TENT4B: variants seen among roughly 807,000 people sequenced by gnomAD.
TENT4B encodes the protein terminal nucleotidyltransferase 4B, also known as PAP associated domain containing 5.
A neutral mutation model predicts 75.0 loss-of-function variants in TENT4B; 10 were observed. The observed-to-expected ratio is 0.13, with a 90% CI of 0.08 to 0.23. The LOEUF (loss-of-function observed/expected upper bound fraction) is 0.23, where lower values mean the gene tolerates loss of function less well. Among genes scored for constraint, TENT4B ranks in the 10% least tolerant of loss-of-function variants. The pLI, the probability that TENT4B is intolerant of heterozygous loss-of-function variation, is 1.00. For missense variants in TENT4B, 579 were observed against 893.8 expected (o/e 0.65, Z 4.49); for synonymous variants, 350 against 357.7 (o/e 0.98, Z 0.24).
chr16:50,195,818 G>A (rs1401210893), intron 1 of TENT4B, among the ~76,000 whole-genome samples: 1 of 152,120 alleles, frequency 6.6e-6, no homozygotes, highest in Admixed American at 6.6e-5. Context: ...CTATATAGTA[G>A]ATCTCTTATT....
rs1436712482 is a variant in TENT4B at position 50,234,753 on chromosome 16, T to G, written c.*5425T>G. The G allele has an allele frequency of 4.1e-6, 4 of 985,326 alleles. No individual in the cohort carries two copies. The East Asian group carries it at 3.4e-4, about 84-fold the overall frequency. 61.0% of individuals were successfully genotyped at this position (985,326 alleles called of 1,614,324 possible). On this transcript the variant is annotated 3_prime_UTR_variant, in exon 12 of 12. Coordinates refer to ENST00000561678, the MANE Select transcript of TENT4B (RefSeq NM_001365324.3). Reference sequence around the variant, plus strand: ...AAAGCAGCACTGCCTTAACACACATTGTTATGGGTGAAAAGTGAGGGACGA... The same window carrying G: ...AAAGCAGCACTGCCTTAACACACATGGTTATGGGTGAAAAGTGAGGGACGA...
rs1356765357 is a variant in TENT4B, at chr16:50,219,057, TAAAAG to T, written c.1038+1398_1038+1402del. ...TATGGAAGACAGAAAAGCAGAAAAA[TAAAAG>T]AAAGATTATCCATAATCGCACTATA... On this transcript the variant is annotated intron_variant, in intron 5 of 11. Transcript: ENST00000561678. Among the ~76,000 whole-genome samples, 5 of 152,048 alleles carry T rather than the reference TAAAAG, an allele frequency of 3.3e-5. No individual in the cohort carries two copies. The East Asian group carries it at 7.7e-4, about 23-fold the overall frequency.
chr16:50,224,857 C>G (rs766829492), intron 8 of TENT4B, 34 bp from the exon 9 acceptor site: 1 of 1,609,968 alleles, frequency 6.2e-7, no homozygotes, highest in East Asian at 2.2e-5. Flanking sequence ...TAATGTTATT[C>G]CCTCCCTCTC....
intron 1 of TENT4B, among the ~76,000 whole-genome samples, chr16:50,200,881 A>C (rs897169683): frequency 1.6e-4 from 25 of 152,046 alleles, no homozygotes; most frequent in African/African-American, 6.0e-4. Flanking sequence ...TGCAGCCTCA[A>C]CTTCTCCCAG....
intron 1 of TENT4B, among the ~76,000 whole-genome samples, chr16:50,185,758 A>G (rs1020385983): frequency 6.6e-6 from 1 of 151,808 alleles, no homozygotes; most frequent in Non-Finnish European, 1.5e-5. Flanking sequence ...AAGGAATGCA[A>G]CTACTCAGAT....
At chr16:50,168,855 A>T (rs1222729767) in intron 1 of TENT4B, among the ~76,000 whole-genome samples, 2 of 151,954 alleles carry the variant, frequency 1.3e-5, no homozygotes, top group Non-Finnish European at 2.9e-5. Context: ...CATGTTGGCC[A>T]GGCTGGTCTT....
At chr16:50,159,492 G>A (rs1052133859) in intron 1 of TENT4B, among the ~76,000 whole-genome samples, 2 of 151,880 alleles carry the variant, frequency 1.3e-5, no homozygotes, top group Non-Finnish European at 2.9e-5. Context: ...TACCTGCCTC[G>A]GCCGCCCAAA....
intron 1 of TENT4B, among the ~76,000 whole-genome samples, chr16:50,164,157 CA>C (rs1182720902): frequency 6.7e-6 from 1 of 150,298 alleles, no homozygotes; most frequent in Non-Finnish European, 1.5e-5. Context: ...AACTTCATCT[CA>C]AAAAAAATAA....
chr16:50,163,187 C>G (rs1355475473), intron 1 of TENT4B, among the ~76,000 whole-genome samples: 1 of 152,090 alleles, frequency 6.6e-6, no homozygotes, highest in Non-Finnish European at 1.5e-5. Context: ...AATAAGAATA[C>G]ATAGGATTGT....
intron 11 of TENT4B, among the ~76,000 whole-genome samples, chr16:50,228,804 T>C (rs1214389816): frequency 6.6e-6 from 1 of 152,240 alleles, no homozygotes; most frequent in African/African-American, 2.4e-5. Flanking sequence ...GACCCAAACC[T>C]ACCAGTGTGC....
At chr16:50,198,262 C>A (rs1178624499) in intron 1 of TENT4B, among the ~76,000 whole-genome samples, 5 of 150,894 alleles carry the variant, frequency 3.3e-5, no homozygotes, top group African/African-American at 1.2e-4. Flanking sequence ...ACAAAAAATA[C>A]AAAAAAATTA....
At chr16:50,177,330 G>T (rs2038330025) in intron 1 of TENT4B, among the ~76,000 whole-genome samples, 1 of 152,076 alleles carries the variant, frequency 6.6e-6, no homozygotes. Flanking sequence ...TAACAGTTTG[G>T]TAGAATTCAC....
In TENT4B at chr16:50,231,991, A is replaced by G. The variant is rs1203681171; in HGVS notation, c.*2663A>G. ...CATGAATCATAACCTTCCTTTGCTA[A>G]TACTTGTTGAATGGGATTTTACAAA... On this transcript the variant is annotated 3_prime_UTR_variant, in exon 12 of 12. Coordinates refer to ENST00000561678, the MANE Select transcript of TENT4B (RefSeq NM_001365324.3). 1 of 984,650 alleles carries G rather than the reference A, an allele frequency of 1.0e-6. No homozygotes were observed. The highest frequency in any genetic ancestry group is 1.7e-5 in the African/African-American group (1 of 57,206). 61.0% of individuals were successfully genotyped at this position (984,650 alleles called of 1,614,324 possible).
intron 1 of TENT4B, among the ~76,000 whole-genome samples, chr16:50,169,387 GTTTTTTTTTTTTTTT>G (rs552275205): frequency 4.6e-5 from 3 of 65,780 alleles, no homozygotes; most frequent in African/African-American, 1.8e-4. Flanking sequence ...GATTTTGTGG[GTTTTTTTTTTTTTTT>G]TTTTTTTTTT....
At position 50,208,495 on chromosome 16, in the gene TENT4B, A is replaced by G. The variant is rs567960782; in HGVS notation, c.639-2828A>G. Among the ~76,000 whole-genome samples the G allele has an allele frequency of 2.0e-5, 3 of 151,624 alleles. No homozygotes were observed. The East Asian group carries it at 5.8e-4, about 29-fold the overall frequency. On this transcript the variant is annotated intron_variant, in intron 1 of 11. Transcript: ENST00000561678. ...GTAACAGGAACCTTACTAACCTACA[A>G]GGTGACCCAGTCCATCCTGGGCAGC...
rs901300824 is a variant in TENT4B at position 50,153,439 on chromosome 16, C to G, written c.-183C>G. ...CCCCCGAGGGCGGGAGCGACGCCGC[C>G]GGCGCCGGCCGGGCTCCCTGCGCGA... On this transcript the variant is annotated 5_prime_UTR_variant, in exon 1 of 12. Transcript: ENST00000561678. 2.7e-5 allele frequency among the ~76,000 whole-genome samples: 4 copies of G among 146,606 alleles called. No homozygotes were observed. The highest frequency in any genetic ancestry group is 7.3e-5 in the African/African-American group (3 of 40,848).
intron 1 of TENT4B, among the ~76,000 whole-genome samples, chr16:50,184,354 T>G (rs1480895623): frequency 6.6e-6 from 1 of 152,138 alleles, no homozygotes. Context: ...ACATTTAGGT[T>G]GTTTTCCATT....
rs1183630790 is a variant in TENT4B at position 50,230,412 on chromosome 16, C to T, written c.*1084C>T. On this transcript the variant is annotated 3_prime_UTR_variant, in exon 12 of 12. Transcript: ENST00000561678. ...TCTCTAACCCTGTGTGCTGCGTGTG[C>T]CTGTTTCTCATCTCTTATTCTTTTT... The T allele has an allele frequency of 1.0e-6, 1 of 985,344 alleles. No homozygotes were observed. Among genetic ancestry groups the T allele is most frequent in the Admixed American group, 6.2e-5 (1 of 16,238 alleles). The allele number at this position is 985,344 out of a possible 1,614,324, so 61.0% of individuals were successfully genotyped here. A position where few individuals can be genotyped will look rare whatever the true frequency, so the allele number is the denominator to read the frequency against.
chr16:50,170,708 C>G (rs2038190196), intron 1 of TENT4B, among the ~76,000 whole-genome samples: 2 of 151,890 alleles, frequency 1.3e-5, no homozygotes, highest in Non-Finnish European at 2.9e-5. Context: ...ACCCTGTCAT[C>G]CAGGCTGGAG....
Sources: gnomAD v4.1 joint callset for allele counts (sites outside exome capture counted in the v4.1 genomes callset) on GRCh38, gnomAD v4.1.1 for gene constraint, MANE v1.5 for transcripts, NCBI Gene and HGNC (gene_info 2026-07-23, HGNC 2026-07-21) for gene names.